Variants in TEX36 observed in about 807,000 individuals in gnomAD.
TEX36 encodes testis expressed 36.
In TEX36, 12 loss-of-function variants were observed where a neutral mutation model predicts 13.6. The ratio of observed to expected loss-of-function variants is 0.88; its 90% CI spans 0.56 to 1.43. The LOEUF (loss-of-function observed/expected upper bound fraction) is 1.43, where lower values mean the gene tolerates loss of function less well. Among genes scored for constraint, TEX36 ranks in the 40% most tolerant of loss-of-function variants. The pLI is 0.00. For missense variants in TEX36, 224 were observed against 228.3 expected (o/e 0.98, Z 0.12); for synonymous variants, 93 against 83.0 (o/e 1.12, Z -0.65).
At chr10:125,576,893 A>C (rs1265704803) in intron 3 of TEX36, 1 of 1,535,954 alleles carries the variant, frequency 6.5e-7, no homozygotes, top group Admixed American at 2.0e-5. Context: ...AAGAGGGAAG[A>C]TGTAGAACCA....
intron 3 of TEX36, among the ~76,000 whole-genome samples, chr10:125,589,455 T>G (rs925342742): frequency 6.6e-6 from 1 of 152,200 alleles, no homozygotes; most frequent in Non-Finnish European, 1.5e-5. Flanking sequence ...CTCCTAGCAT[T>G]TCAGTAACAA....
rs117009398 is a variant in TEX36 at position 125,602,531 on chromosome 10, C to T, written c.265-25657G>A. ...CCATCTGATTCCCTCCACTGGGATT[C>T]GTCTCTCCTCCTCATGCTCCCCGGC... On this transcript the variant is annotated intron_variant, in intron 3 of 3. Coordinates refer to the TEX36 transcript ENST00000532135. 4.7e-4 allele frequency among the ~76,000 whole-genome samples: 72 copies of T among 152,272 alleles called. No homozygotes were observed. In the East Asian group the frequency reaches 0.012, roughly 26 times the overall value.
intron 3 of TEX36, among the ~76,000 whole-genome samples, chr10:125,582,213 C>T (rs1228779975): frequency 6.6e-6 from 1 of 152,206 alleles, no homozygotes; most frequent in Non-Finnish European, 1.5e-5. Flanking sequence ...AGCCTGTATC[C>T]TAACTGATGC....
intron 3 of TEX36, among the ~76,000 whole-genome samples, chr10:125,650,046 T>C (rs557332815): frequency 2.6e-5 from 4 of 152,162 alleles, no homozygotes; most frequent in Non-Finnish European, 5.9e-5. Context: ...ACAATAATTA[T>C]GGGAGACTGT....
Position 125,656,134 on chromosome 10 carries a change from G to A in TEX36, c.327C>T (p.Leu109=). 6.5e-7 allele frequency: 1 copy of A among 1,547,340 alleles called. No individual in the cohort carries two copies. Among genetic ancestry groups the A allele is most frequent in the Non-Finnish European group, 8.7e-7 (1 of 1,145,840 alleles). The change falls in exon 4 of 4, where the codon CTC becomes CTT. Residue 109 remains leucine, a synonymous_variant. Transcript: ENST00000368821. ...KRQHVSRNFN[L]WACDYVPSCL... ...AAGATGGAACATAGTCACATGCCCA[G>A]AGATTAAAATTTCTTGAAACATGTT... is the stretch of plus-strand genomic sequence containing the variant.
intron 3 of TEX36, among the ~76,000 whole-genome samples, chr10:125,586,849 A>G (rs1020249155): frequency 6.6e-6 from 1 of 151,736 alleles, no homozygotes; most frequent in African/African-American, 2.4e-5. Flanking sequence ...CTGTGTCCCC[A>G]CCCAAATCTC....
chr10:125,663,368 G>A (rs542727899), intron 1 of TEX36, among the ~76,000 whole-genome samples: 42 of 152,328 alleles, frequency 2.8e-4, no homozygotes, highest in African/African-American at 9.1e-4. Flanking sequence ...AAACATGCAA[G>A]TGCAGGTATC....
chr10:125,629,032 C>A (rs1179675397), intron 3 of TEX36, among the ~76,000 whole-genome samples: 1 of 152,208 alleles, frequency 6.6e-6, no homozygotes, highest in Non-Finnish European at 1.5e-5. Flanking sequence ...TTTCATTGCC[C>A]AGTCATATGA....
chr10:125,664,370 C>T (rs7913279), intron 1 of TEX36, among the ~76,000 whole-genome samples: 43,009 of 151,974 alleles, frequency 0.28, 9,663 homozygotes, highest in African/African-American at 0.59. Context: ...GTGGGATTGC[C>T]GAATCACATG....
chr10:125,579,392 A>G (rs1845859900), intron 3 of TEX36, among the ~76,000 whole-genome samples: 1 of 152,180 alleles, frequency 6.6e-6, no homozygotes, highest in Non-Finnish European at 1.5e-5. Flanking sequence ...TTCACTCACT[A>G]TCATGAGAAC....
chr10:125,579,296 C>T (rs1030303940), intron 3 of TEX36, among the ~76,000 whole-genome samples: 1 of 152,180 alleles, frequency 6.6e-6, no homozygotes, highest in African/African-American at 2.4e-5. Context: ...GAAGCAAACA[C>T]GTCCTTCTTC....
chr10:125,645,894 C>T (rs568807842), intron 3 of TEX36, among the ~76,000 whole-genome samples: 1 of 152,208 alleles, frequency 6.6e-6, no homozygotes, highest in South Asian at 2.1e-4. Flanking sequence ...GCCTCAAGAA[C>T]ATTTTAAAAT....
intron 3 of TEX36, among the ~76,000 whole-genome samples, chr10:125,613,273 ATTTATTTATTT>A (rs1846313969): frequency 2.5e-5 from 1 of 40,758 alleles, no homozygotes; most frequent in Non-Finnish European, 4.6e-5. Flanking sequence ...TTATTTATTT[ATTTATTTATTT>A]TTATTATTAT....
At chr10:125,654,973 G>A (rs938793095), downstream of TEX36, among the ~76,000 whole-genome samples, 21 of 152,176 alleles carry the variant, frequency 1.4e-4, no homozygotes, top group African/African-American at 4.8e-4. Flanking sequence ...GATCAAGCAT[G>A]TTCATGTAAC....
At chr10:125,641,799 A>G (rs1846696942) in intron 3 of TEX36, among the ~76,000 whole-genome samples, 1 of 152,226 alleles carries the variant, frequency 6.6e-6, no homozygotes. Flanking sequence ...TGTATTGGGG[A>G]CATCTATGCT....
At chr10:125,633,936 G>A (rs1846592296) in intron 3 of TEX36, among the ~76,000 whole-genome samples, 2 of 152,074 alleles carry the variant, frequency 1.3e-5, no homozygotes, top group South Asian at 4.1e-4. Flanking sequence ...GCACTTTATG[G>A]GGCCCTTTAG....
intron 3 of TEX36, among the ~76,000 whole-genome samples, chr10:125,608,640 C>T (rs1397876391): frequency 6.6e-6 from 1 of 152,132 alleles, no homozygotes; most frequent in Non-Finnish European, 1.5e-5. Flanking sequence ...TGGAGCACCC[C>T]TATTTCAGCC....
chr10:125,581,312 C>T lies in TEX36; in HGVS notation c.265-4438G>A, dbSNP rs190281640. Among the ~76,000 whole-genome samples the T allele has an allele frequency of 2.6e-4, 40 of 152,260 alleles. 1 individual carries two copies. The highest frequency in any genetic ancestry group is 2.2e-3 in the Admixed American group (34 of 15,306). On this transcript the variant is annotated intron_variant, in intron 3 of 3. Transcript: ENST00000532135. ...GAAGATGCTGATGCTGATGCGATGG[C>T]TTCTCAGAGGGTCCCTACCAGAAAG... is the stretch of plus-strand genomic sequence containing the variant.
chr10:125,674,737 C>A lies in TEX36; in HGVS notation c.51+8202G>T, dbSNP rs531047614. The stretch of plus-strand genomic sequence containing the variant: ...ATTCCAGACCCTATTTGCCTGGGTC[C>A]CTCTGGCACCTGGAATTACCACCAG... On this transcript the variant is annotated intron_variant, in intron 1 of 3. Coordinates refer to ENST00000368821, the MANE Select transcript of TEX36 (RefSeq NM_001128202.3). Among the ~76,000 whole-genome samples, 212 of 152,334 alleles carry A rather than the reference C, an allele frequency of 1.4e-3. 1 individual carries two copies. Among genetic ancestry groups the A allele is most frequent in the Middle Eastern group, 0.014 (4 of 294 alleles).
Sources: gnomAD v4.1 joint callset for allele counts (sites outside exome capture counted in the v4.1 genomes callset) on GRCh38, gnomAD v4.1.1 for gene constraint, MANE v1.5 for transcripts, NCBI Gene and HGNC (gene_info 2026-07-23, HGNC 2026-07-21) for gene names.